Variants in DNAAF9 observed in about 807,000 individuals in gnomAD.
The protein encoded by DNAAF9 is dynein axonemal assembly factor 9.
In DNAAF9, 90 loss-of-function variants were observed where a neutral mutation model predicts 167.0. The ratio of observed to expected loss-of-function variants is 0.54; its 90% CI spans 0.45 to 0.64. The LOEUF (loss-of-function observed/expected upper bound fraction) is 0.64, where lower values mean the gene tolerates loss of function less well. DNAAF9 is among the 30% of genes least tolerant of loss of function. The probability of loss-of-function intolerance (pLI) is 0.00; values close to 1 mark genes in which losing one functional copy is unlikely to be tolerated. For missense variants in DNAAF9, 1,315 were observed against 1,442.2 expected (o/e 0.91, Z 1.43); for synonymous variants, 491 against 508.8 (o/e 0.96, Z 0.47).
intron 1 of DNAAF9, among the ~76,000 whole-genome samples, chr20:3,385,185 T>A (rs1446247722): frequency 6.6e-6 from 1 of 151,798 alleles, no homozygotes; most frequent in Non-Finnish European, 1.5e-5. Context: ...CTCTCATTAT[T>A]CCTATTTAAC....
At chr20:3,261,211 T>C (rs59906158) in intron 31 of DNAAF9, among the ~76,000 whole-genome samples, 57 of 150,614 alleles carry the variant, frequency 3.8e-4, no homozygotes, top group African/African-American at 1.3e-3. Context: ...CTACTTTTGA[T>C]TTTTTATTAG....
At chr20:3,361,150 G>A (rs2083356946) in intron 6 of DNAAF9, among the ~76,000 whole-genome samples, 1 of 152,138 alleles carries the variant, frequency 6.6e-6, no homozygotes, top group African/African-American at 2.4e-5. Context: ...GGTGTTGGGT[G>A]GTGATGGTGC....
intron 3 of DNAAF9, among the ~76,000 whole-genome samples, chr20:3,380,177 G>A (rs375294064): frequency 6.6e-6 from 1 of 152,188 alleles, no homozygotes; most frequent in African/African-American, 2.4e-5. Flanking sequence ...CGTGTGGCTG[G>A]TATGAGCTGC....
chr20:3,403,634 C>G (rs544674574), intron 1 of DNAAF9, among the ~76,000 whole-genome samples: 14 of 151,196 alleles, frequency 9.3e-5, no homozygotes, highest in Admixed American at 4.6e-4. Context: ...CTGCATCAGC[C>G]CATCAATTTA....
Position 3,294,033 on chromosome 20 carries a change from G to T in DNAAF9, c.2238+106C>A. ...CAAGGAAGTGGAGAGTCCTGTAACAGGGACTCCATCTAAGTTCTTTTTGTT... is the reference window on the plus strand; with the variant it reads ...CAAGGAAGTGGAGAGTCCTGTAACATGGACTCCATCTAAGTTCTTTTTGTT... On this transcript the variant is annotated intron_variant, in intron 25 of 36. Transcript: ENST00000252032. The T allele has an allele frequency of 9.9e-6, 7 of 707,784 alleles. No homozygotes were observed. In the East Asian group the frequency reaches 1.7e-4, roughly 17 times the overall value. 43.8% of individuals were successfully genotyped at this position (707,784 alleles called of 1,614,324 possible).
chr20:3,283,534 G>A (rs1006919692), intron 27 of DNAAF9, among the ~76,000 whole-genome samples: 8 of 152,186 alleles, frequency 5.3e-5, no homozygotes, highest in Non-Finnish European at 7.3e-5. Context: ...ATGACCACAC[G>A]CGGCTCTTTC....
Position 3,295,478 on chromosome 20 carries a change from C to CTTT in DNAAF9, c.2019-852_2019-850dup, listed in dbSNP as rs33916484. The CTTT allele has an allele frequency of 3.6e-3, 897 of 247,028 alleles. 1 individual carries two copies. The highest frequency in any genetic ancestry group is 7.0e-3 in the East Asian group (68 of 9,778). 15.3% of individuals were successfully genotyped at this position (247,028 alleles called of 1,614,324 possible). On this transcript the variant is annotated intron_variant, in intron 23 of 36. Transcript: ENST00000252032. ...ACAGGCGTGAACCACTGCGCCTGACCTTTTTTTTTTTTTTTAAAGAAGCCC... is the reference window on the plus strand; with the variant it reads ...ACAGGCGTGAACCACTGCGCCTGACCTTTTTTTTTTTTTTTTTTAAAGAAGCCC...
At chr20:3,369,737 G>C (rs1407183797) in intron 6 of DNAAF9, among the ~76,000 whole-genome samples, 2 of 152,184 alleles carry the variant, frequency 1.3e-5, no homozygotes, top group Non-Finnish European at 2.9e-5. Flanking sequence ...CTATCTCCGT[G>C]ATGTTTTTAT....
intron 16 of DNAAF9, among the ~76,000 whole-genome samples, chr20:3,320,594 A>T (rs2069596885): frequency 6.6e-6 from 1 of 152,208 alleles, no homozygotes; most frequent in South Asian, 2.1e-4. Context: ...AGTATTTCCC[A>T]ATGTTTTAAT....
At chr20:3,325,010 G>T (rs1287324623) in intron 13 of DNAAF9, 42 bp from the exon 14 acceptor site, 2 of 1,124,322 alleles carry the variant, frequency 1.8e-6, no homozygotes, top group Non-Finnish European at 2.7e-6. Context: ...TTCACAGCAG[G>T]AAAAAGTACA....
intron 35 of DNAAF9, among the ~76,000 whole-genome samples, chr20:3,254,155 T>C (rs1015857163): frequency 6.6e-6 from 1 of 152,208 alleles, no homozygotes; most frequent in East Asian, 1.9e-4. Context: ...CTTGGCTCAC[T>C]GCAACCTCCA....
chr20:3,318,357 T>G lies in DNAAF9; in HGVS notation c.1400A>C (p.Asn467Thr). Residue 467 changes from asparagine (N) to threonine (T), a missense_variant, in exon 17 of 37, where the codon AAT becomes ACT. Physicochemically the swap from Asn to Thr is moderately conservative, Grantham distance 65. Coordinates refer to ENST00000252032, the MANE Select transcript of DNAAF9 (RefSeq NM_001009984.3). ...VYDIPDLLGG[N>T]GCLGSVVFSE... ...GAAAACCACAGATCCTAAACAACCA[T>G]TGCCTCCCAGTAAGTCAGGAATGTC... The G allele has an allele frequency of 6.2e-7, 1 of 1,606,814 alleles. No individual in the cohort carries two copies. Among genetic ancestry groups the G allele is most frequent in the Non-Finnish European group, 8.5e-7 (1 of 1,173,636 alleles).
chr20:3,256,333 T>C (rs2122730612), intron 33 of DNAAF9, 122 bp from the exon 34 acceptor site: 1 of 722,600 alleles, frequency 1.4e-6, no homozygotes, highest in Non-Finnish European at 2.4e-6. Flanking sequence ...ACAGAACTGA[T>C]GTGACTGGTG....
intron 11 of DNAAF9, 44 bp from the exon 12 acceptor site, chr20:3,330,726 T>C (rs980986939): frequency 8.1e-7 from 1 of 1,240,588 alleles, no homozygotes; most frequent in Non-Finnish European, 1.2e-6. Context: ...GCACAGGATA[T>C]GCAAACACTT....
At position 3,340,354 on chromosome 20, in the gene DNAAF9, C is replaced by T. The variant is rs1001778010; in HGVS notation, c.981+150G>A. On this transcript the variant is annotated intron_variant, in intron 10 of 36. Coordinates refer to ENST00000252032, the MANE Select transcript of DNAAF9 (RefSeq NM_001009984.3). ...AAAAAAAGTACAAACAGTTTCTAATCACTTCTTTTCACTCTAGAACAACTT... is the reference window on the plus strand; with the variant it reads ...AAAAAAAGTACAAACAGTTTCTAATTACTTCTTTTCACTCTAGAACAACTT... The T allele has an allele frequency of 1.3e-5, 8 of 635,116 alleles. No individual in the cohort carries two copies. In the African/African-American group the frequency reaches 1.5e-4, roughly 12 times the overall value. 39.3% of individuals were successfully genotyped at this position (635,116 alleles called of 1,614,324 possible).
At chr20:3,366,674 C>T (rs1341057570) in intron 6 of DNAAF9, among the ~76,000 whole-genome samples, 2 of 152,140 alleles carry the variant, frequency 1.3e-5, no homozygotes, top group African/African-American at 4.8e-5. Flanking sequence ...CATGTAATCC[C>T]AGGACTTTGG....
At chr20:3,283,826 G>A (rs2068803191) in intron 27 of DNAAF9, among the ~76,000 whole-genome samples, 1 of 152,184 alleles carries the variant, frequency 6.6e-6, no homozygotes, top group Non-Finnish European at 1.5e-5. Flanking sequence ...AAAGGACAAC[G>A]GAAAAGGATT....
At chr20:3,340,437 CCCACCCA>C in intron 10 of DNAAF9, 60 bp downstream of exon 10, 2 of 184,498 alleles carry the variant, frequency 1.1e-5, no homozygotes, top group Non-Finnish European at 2.3e-5. Flanking sequence ...TCTAGCTCCC[CCCACCCA>C]CCCCACCCCC....
At chr20:3,270,131 G>C (rs1406630270) in intron 30 of DNAAF9, among the ~76,000 whole-genome samples, 2 of 127,198 alleles carry the variant, frequency 1.6e-5, no homozygotes, top group African/African-American at 6.0e-5. Context: ...ATTGTGCCCA[G>C]CCTGCTTTTT....
Sources: gnomAD v4.1 joint callset for allele counts (sites outside exome capture counted in the v4.1 genomes callset) on GRCh38, gnomAD v4.1.1 for gene constraint, MANE v1.5 for transcripts, NCBI Gene and HGNC (gene_info 2026-07-23, HGNC 2026-07-21) for gene names.